Variants in PREX1 observed in about 807,000 individuals in gnomAD.
The protein encoded by PREX1 is phosphatidylinositol-3,4,5-trisphosphate dependent Rac exchange factor 1, also known as phosphatidylinositol 3,4,5-trisphosphate-dependent Rac exchanger 1 protein.
Under a neutral mutation model 198.3 loss-of-function variants are expected in PREX1, and 41 were observed. That is an observed-to-expected ratio of 0.21 (90% CI 0.16 to 0.27). The LOEUF is 0.27. Ranked by LOEUF, PREX1 falls within the 10% of genes least tolerant of loss-of-function variation. PREX1 has a pLI of 1.00. For synonymous variants in PREX1, 843 were observed against 887.2 expected, an observed-to-expected ratio of 0.95 and a Z score of 0.89; for missense variants, 1,620 against 2,200.7, an observed-to-expected ratio of 0.74 and a Z score of 5.28.
rs766938525 is a variant in PREX1, at chr20:48,634,826, G to A, written c.4168-51C>T. On this transcript the variant is annotated intron_variant, in intron 32 of 39. Coordinates refer to ENST00000371941, the MANE Select transcript of PREX1 (RefSeq NM_020820.4). The stretch of plus-strand genomic sequence containing the variant: ...AGTCTCAGATGCCAACCCTGCCCCA[G>A]GGTTTCCTATCAAGATGCTGAATTC... The A allele has an allele frequency of 8.5e-6, 13 of 1,528,984 alleles. No individual in the cohort carries two copies. The South Asian group carries it at 1.2e-4, about 15-fold the overall frequency. 94.7% of individuals were successfully genotyped at this position (1,528,984 alleles called of 1,614,324 possible).
At chr20:48,694,296 C>T (rs950560127) in intron 7 of PREX1, among the ~76,000 whole-genome samples, 2 of 152,194 alleles carry the variant, frequency 1.3e-5, no homozygotes, top group Non-Finnish European at 2.9e-5. Flanking sequence ...CAACAAACAT[C>T]TGGCCAGAGC....
chr20:48,744,437 T>C (rs1006461216), intron 3 of PREX1, among the ~76,000 whole-genome samples: 1 of 152,208 alleles, frequency 6.6e-6, no homozygotes, highest in African/African-American at 2.4e-5. Context: ...TGGGTTCTTC[T>C]GTCTGTGAGG....
intron 3 of PREX1, among the ~76,000 whole-genome samples, chr20:48,736,807 G>A (rs1210595171): frequency 6.6e-6 from 1 of 152,206 alleles, no homozygotes; most frequent in Non-Finnish European, 1.5e-5. Flanking sequence ...CTCCTGCAGA[G>A]AAGACTTGCA....
At chr20:48,815,221 A>T (rs2090454150) in intron 1 of PREX1, among the ~76,000 whole-genome samples, 1 of 152,326 alleles carries the variant, frequency 6.6e-6, no homozygotes, top group African/African-American at 2.4e-5. Flanking sequence ...AATAACTACC[A>T]GAACAAGGAG....
rs764777154 is a variant in PREX1 at position 48,646,027 on chromosome 20, C to A, written c.3336G>T (p.Ser1112=). 2.5e-6 allele frequency: 4 copies of A among 1,614,046 alleles called. No homozygotes were observed. The highest frequency in any genetic ancestry group is 3.4e-6 in the Non-Finnish European group (4 of 1,180,030). The change falls in exon 26 of 40, where the codon TCG becomes TCT. Residue 1112 remains serine, a synonymous_variant. Coordinates refer to ENST00000371941, the MANE Select transcript of PREX1 (RefSeq NM_020820.4). ...CCAAGGATGCGTCGCAGGACCCACC[C>A]GAGGTGGGCTCTGTGATGGTGGACA... The part of the protein sequence containing the change: ...RLLSTITEPT[S]GGSCDASLAE...
the PREX1 span, among the ~76,000 whole-genome samples, chr20:48,844,484 A>G: frequency 3.3e-5 from 5 of 152,184 alleles, no homozygotes; most frequent in African/African-American, 9.7e-5. Flanking sequence ...AATTCAGCCA[A>G]TCATGAAGAG....
At chr20:48,763,275 C>G (rs1053303081) in intron 1 of PREX1, among the ~76,000 whole-genome samples, 1 of 152,280 alleles carries the variant, frequency 6.6e-6, no homozygotes, top group Non-Finnish European at 1.5e-5. Context: ...CCAGCCCTCG[C>G]CCATCTGGGG....
chr20:48,752,115 A>T (rs2090136636), intron 1 of PREX1, among the ~76,000 whole-genome samples: 1 of 152,122 alleles, frequency 6.6e-6, no homozygotes, highest in Non-Finnish European at 1.5e-5. Flanking sequence ...AGTTCAGTTT[A>T]CCCACAGTAC....
At chr20:48,839,159 C>T in the PREX1 span, among the ~76,000 whole-genome samples, 2 of 152,110 alleles carry the variant, frequency 1.3e-5, no homozygotes, top group Admixed American at 1.3e-4. Flanking sequence ...TTCTTTACTA[C>T]ACTGCTTTTC....
At chr20:48,869,774 C>T in the PREX1 span, among the ~76,000 whole-genome samples, 3 of 152,160 alleles carry the variant, frequency 2.0e-5, no homozygotes, top group Admixed American at 1.3e-4. Context: ...TGTTCTCACT[C>T]ATAAGTGGGA....
At chr20:48,764,791 AAAAAAAG>A (rs2090200646) in intron 1 of PREX1, among the ~76,000 whole-genome samples, 1 of 149,286 alleles carries the variant, frequency 6.7e-6, no homozygotes, top group African/African-American at 2.4e-5. Flanking sequence ...CAAAAAAAAA[AAAAAAAG>A]AAAGAAAGAA....
At chr20:48,696,759 TG>T (rs1329053091) in intron 7 of PREX1, among the ~76,000 whole-genome samples, 2 of 152,120 alleles carry the variant, frequency 1.3e-5, no homozygotes, top group Non-Finnish European at 2.9e-5. Flanking sequence ...GTAGTTGGTA[TG>T]GGGATAATGA....
rs147377520 is a variant in PREX1, at chr20:48,702,182, T to A, written c.784-1296A>T. Among the ~76,000 whole-genome samples, 70 of 140,478 alleles carry A rather than the reference T, an allele frequency of 5.0e-4. 2 individuals are homozygous for A. The East Asian group carries it at 0.014, about 27-fold the overall frequency. 92.2% of individuals were successfully genotyped at this position (140,478 alleles called of 152,430 possible). A position where few individuals can be genotyped will look rare whatever the true frequency, so the allele number is the denominator to read the frequency against. On this transcript the variant is annotated intron_variant, in intron 6 of 39. Coordinates refer to ENST00000371941, the MANE Select transcript of PREX1 (RefSeq NM_020820.4). ...GAGATAACGCCACTGAACTCCAGCCTGGGCGACTGAGCAGGACTCTGTCTA... is the reference window on the plus strand; with the variant it reads ...GAGATAACGCCACTGAACTCCAGCCAGGGCGACTGAGCAGGACTCTGTCTA...
chr20:48,776,719 G>C (rs1006337299), intron 1 of PREX1, among the ~76,000 whole-genome samples: 1 of 152,192 alleles, frequency 6.6e-6, no homozygotes, highest in South Asian at 2.1e-4. Flanking sequence ...CTCTGGAAGG[G>C]AGACCAATGC....
intron 9 of PREX1, among the ~76,000 whole-genome samples, chr20:48,689,067 G>A (rs934051652): frequency 6.6e-6 from 1 of 152,232 alleles, no homozygotes; most frequent in Non-Finnish European, 1.5e-5. Flanking sequence ...ATGACAGGGG[G>A]TCATGCCTTC....
At chr20:48,639,196 C>A (rs1253756952) in intron 30 of PREX1, among the ~76,000 whole-genome samples, 2 of 152,234 alleles carry the variant, frequency 1.3e-5, no homozygotes, top group Non-Finnish European at 2.9e-5. Context: ...GCCCCACGTA[C>A]ACAGAGCGGC....
chr20:48,727,151 G>A (rs928154838), intron 4 of PREX1, among the ~76,000 whole-genome samples: 1 of 152,230 alleles, frequency 6.6e-6, no homozygotes, highest in Admixed American at 6.5e-5. Flanking sequence ...CCTCTGTGGA[G>A]GGAGAGTTTT....
At chr20:48,868,217 T>C in the PREX1 span, among the ~76,000 whole-genome samples, 52 of 152,256 alleles carry the variant, frequency 3.4e-4, no homozygotes, top group Non-Finnish European at 3.2e-4. Context: ...GTGGAAGCTA[T>C]GGCAAACAGG....
the PREX1 span, among the ~76,000 whole-genome samples, chr20:48,863,836 G>A: frequency 6.6e-6 from 1 of 152,008 alleles, no homozygotes; most frequent in South Asian, 2.1e-4. Context: ...GCCTGCCTTG[G>A]CTTCCCAAAG....
Sources: gnomAD v4.1 joint callset for allele counts (sites outside exome capture counted in the v4.1 genomes callset) on GRCh38, gnomAD v4.1.1 for gene constraint, MANE v1.5 for transcripts, NCBI Gene and HGNC (gene_info 2026-07-23, HGNC 2026-07-21) for gene names.